Variants in RBM28 observed in about 807,000 individuals in gnomAD.
RBM28 encodes the protein RNA binding motif protein 28.
A neutral mutation model predicts 98.3 loss-of-function variants in RBM28; 78 were observed. The ratio of observed to expected loss-of-function variants is 0.79; its 90% CI spans 0.66 to 0.96. The LOEUF (loss-of-function observed/expected upper bound fraction) is 0.96, where lower values mean the gene tolerates loss of function less well. RBM28 is among the 40% of genes least tolerant of loss of function. The probability of loss-of-function intolerance (pLI) is 0.00; values close to 1 mark genes in which losing one functional copy is unlikely to be tolerated. For missense variants in RBM28, 838 were observed against 913.0 expected, an observed-to-expected ratio of 0.92 and a Z score of 1.06; for synonymous variants, 306 against 330.9, an observed-to-expected ratio of 0.92 and a Z score of 0.82.
chr7:128,323,227 G>A (rs969250709), intron 13 of RBM28, among the ~76,000 whole-genome samples: 1 of 152,088 alleles, frequency 6.6e-6, no homozygotes, highest in African/African-American at 2.4e-5. Flanking sequence ...TGTAGCAATA[G>A]CCTCTGACTG....
chr7:128,335,483 T>C (rs912655614), intron 8 of RBM28, 60 bp downstream of exon 8: 14 of 1,598,370 alleles, frequency 8.8e-6, no homozygotes, highest in Non-Finnish European at 1.1e-5. Context: ...CTGATGCTCA[T>C]TTCCGTAACT....
Position 128,336,046 on chromosome 7 carries a change from T to C in RBM28, c.614-4A>G, listed in dbSNP as rs1032566971. ...GATTCATGGCTCTTTTCCTCACCTA[T>C]GGAGGGAGGTAAAGAAAGGAGGAAT... On this transcript the variant is annotated splice_polypyrimidine_tract_variant and splice_region_variant and intron_variant, in intron 6 of 18. Transcript: ENST00000223073. 5 of 1,605,556 alleles carry C rather than the reference T, an allele frequency of 3.1e-6. No homozygotes were observed. Among genetic ancestry groups the C allele is most frequent in the Non-Finnish European group, 4.3e-6 (5 of 1,175,732 alleles).
intron 9 of RBM28, among the ~76,000 whole-genome samples, chr7:128,332,089 T>C (rs1796492502): frequency 6.6e-6 from 1 of 152,234 alleles, no homozygotes; most frequent in Non-Finnish European, 1.5e-5. Flanking sequence ...CATTTCTTCC[T>C]TCCTGTTAGA....
At chr7:128,312,236 T>C (rs1469104808) in intron 18 of RBM28, among the ~76,000 whole-genome samples, 9 of 152,148 alleles carry the variant, frequency 5.9e-5, no homozygotes, top group African/African-American at 1.4e-4. Flanking sequence ...CTGGTCAACA[T>C]GGTGAAACCC....
chr7:128,310,944 G>A lies in RBM28; in HGVS notation c.2146-13C>T, dbSNP rs773605157. 3.1e-6 allele frequency: 5 copies of A among 1,608,954 alleles called. No homozygotes were observed. The African/African-American group carries it at 6.7e-5, about 22-fold the overall frequency. On this transcript the variant is annotated splice_polypyrimidine_tract_variant and intron_variant, in intron 18 of 18. Transcript: ENST00000223073. ...TTTTCCTAGATACCTACAAATGAAA[G>A]GATTAGAAACATAATATAATCAATT...
chr7:128,312,186 A>G (rs1260087285), intron 18 of RBM28, among the ~76,000 whole-genome samples: 1 of 152,192 alleles, frequency 6.6e-6, no homozygotes, highest in Non-Finnish European at 1.5e-5. Flanking sequence ...TGGGAGGCCG[A>G]GGCAGGCGAA....
At position 128,298,828 on chromosome 7, in the gene RBM28, A is replaced by G. The variant is rs921399; in HGVS notation, c.*11969T>C. ...AGTTTGAGACCAGCCTGGGCAACAT[A>G]GCGAAACTCTGTCTCTATAACAAAT... is the stretch of plus-strand genomic sequence containing the variant. On this transcript the variant is annotated 3_prime_UTR_variant, in exon 19 of 19. Transcript: ENST00000223073. 133,728 of 152,042 alleles carry G rather than the reference A, an allele frequency of 0.88. 61,043 individuals are homozygous for G. Among genetic ancestry groups the G allele is most frequent in the East Asian group, 1 (5,138 of 5,138 alleles). 9.4% of individuals were successfully genotyped at this position (152,042 alleles called of 1,614,324 possible).
chr7:128,322,348 T>C (rs960162524), intron 13 of RBM28, among the ~76,000 whole-genome samples: 1 of 152,190 alleles, frequency 6.6e-6, no homozygotes, highest in Non-Finnish European at 1.5e-5. Flanking sequence ...TAAAATGAAA[T>C]GAAAGATGAC....
At position 128,337,176 on chromosome 7, in the gene RBM28, C is replaced by T. The variant is rs756076073; in HGVS notation, c.568G>A (p.Val190Met). 51 of 1,613,988 alleles carry T rather than the reference C, an allele frequency of 3.2e-5. No homozygotes were observed. Among genetic ancestry groups the T allele is most frequent in the South Asian group, 2.3e-4 (21 of 91,082 alleles). Residue 190 changes from valine (V) to methionine (M), a missense_variant, in exon 6 of 19, where the codon GTG (valine) becomes ATG (methionine). Transcript: ENST00000223073. ...KGRTVAVDWA[V>M]AKDKYKDTQS... ...GTATCTTTATATTTATCCTTTGCCA[C>T]GGCCCAATCCACAGCCACTGTCCGG...
At position 128,339,764 on chromosome 7, in the gene RBM28, TAGCCAAAGCC is replaced by T; in HGVS notation, c.136_145del (p.Gly46MetfsTer27). On this transcript the variant is annotated frameshift_variant, in exon 2 of 19. Transcript: ENST00000223073. LOFTEE classifies it high-confidence loss of function. ...ATCTTCCAGCATTGAAAAAGTGACA[TAGCCAAAGCC>T]TCGACATGCCTTACTCCCTGGAATA... is the stretch of plus-strand genomic sequence containing the variant. 1 of 1,614,030 alleles carries T rather than the reference TAGCCAAAGCC, an allele frequency of 6.2e-7. No individual in the cohort carries two copies. Among genetic ancestry groups the T allele is most frequent in the Non-Finnish European group, 8.5e-7 (1 of 1,179,956 alleles).
chr7:128,310,939 T>C lies in RBM28; in HGVS notation c.2146-8A>G, dbSNP rs1052076266. 1 of 1,610,586 alleles carries C rather than the reference T, an allele frequency of 6.2e-7. No homozygotes were observed. Among genetic ancestry groups the C allele is most frequent in the African/African-American group, 1.3e-5 (1 of 74,840 alleles). On this transcript the variant is annotated splice_polypyrimidine_tract_variant and splice_region_variant and intron_variant, in intron 18 of 18. Transcript: ENST00000223073. ...AGCTTTTTTCCTAGATACCTACAAA[T>C]GAAAGGATTAGAAACATAATATAAT...
intron 1 of RBM28, among the ~76,000 whole-genome samples, chr7:128,340,834 A>G (rs1233692849): frequency 2.0e-5 from 3 of 152,204 alleles, no homozygotes; most frequent in Non-Finnish European, 2.9e-5. Flanking sequence ...TAAAGCAAAT[A>G]TTATCACCCC....
chr7:128,327,441 T>G (rs752325859), intron 10 of RBM28, among the ~76,000 whole-genome samples: 1 of 152,198 alleles, frequency 6.6e-6, no homozygotes, highest in Non-Finnish European at 1.5e-5. Context: ...AAGGCATGCC[T>G]TTCCTTGATT....
At chr7:128,329,474 G>A (rs1421452336) in intron 10 of RBM28, among the ~76,000 whole-genome samples, 1 of 152,218 alleles carries the variant, frequency 6.6e-6, no homozygotes, top group Non-Finnish European at 1.5e-5. Context: ...AAAAGGCTTA[G>A]AATGGAGGTA....
chr7:128,338,787 G>C lies in RBM28; in HGVS notation c.387C>G (p.Asp129Glu). 1 of 1,610,812 alleles carries C rather than the reference G, an allele frequency of 6.2e-7. No individual in the cohort carries two copies. Among genetic ancestry groups the C allele is most frequent in the Non-Finnish European group, 8.5e-7 (1 of 1,177,132 alleles). Residue 129 changes from aspartate (D) to glutamate (E), a missense_variant, in exon 4 of 19, where the codon GAC (aspartate) becomes GAG (glutamate). Asp to Glu is a conservative substitution (Grantham distance 45, BLOSUM62 2). Transcript: ENST00000223073. The part of the protein sequence containing the change: ...RNLSFKCSED[D>E]LKTVFAQFGA... Reference sequence around the variant, plus strand: ...CAAATTGAGCAAATACTGTCTTCAAGTCATCTTCTGAACACTGAAGCCAAA... The same window carrying C: ...CAAATTGAGCAAATACTGTCTTCAACTCATCTTCTGAACACTGAAGCCAAA...
intron 17 of RBM28, among the ~76,000 whole-genome samples, chr7:128,313,993 C>T (rs989882333): frequency 1.3e-4 from 19 of 151,912 alleles, no homozygotes; most frequent in African/African-American, 3.6e-4. Flanking sequence ...GACGGAGTCT[C>T]GCTCTTTCGC....
rs1363406952 is a variant in RBM28 at position 128,337,154 on chromosome 7, T to C, written c.590A>G (p.Asp197Gly). The change falls in exon 6 of 19, where the codon GAT (aspartate) becomes GGT (glycine). Residue 197 changes from aspartate to glycine, a missense_variant. Transcript: ENST00000223073. ...ACCTATAGCAGAAACAGACTGTGTA[T>C]CTTTATATTTATCCTTTGCCACGGC... ...DWAVAKDKYK[D>G]TQSVSAIGEE... The C allele has an allele frequency of 2.5e-6, 4 of 1,614,022 alleles. No homozygotes were observed. The highest frequency in any genetic ancestry group is 3.4e-6 in the Non-Finnish European group (4 of 1,180,008).
Position 128,298,133 on chromosome 7 carries a change from T to A in RBM28, c.*12664A>T, listed in dbSNP as rs948107736. The stretch of plus-strand genomic sequence containing the variant: ...CACATGTACCCTAAAACTTAAATAA[T>A]AAAAAAAAAAGACAATACGCGCACA... On this transcript the variant is annotated 3_prime_UTR_variant, in exon 19 of 19. Coordinates refer to ENST00000223073, the MANE Select transcript of RBM28 (RefSeq NM_018077.3). 2.2e-4 allele frequency: 32 copies of A among 148,618 alleles called. No homozygotes were observed. Among genetic ancestry groups the A allele is most frequent in the African/African-American group, 7.6e-4 (31 of 40,708 alleles). The allele number at this position is 148,618 out of a possible 1,614,324, so 9.2% of individuals were successfully genotyped here.
chr7:128,334,953 T>G (rs948015794), intron 8 of RBM28, among the ~76,000 whole-genome samples: 8 of 152,160 alleles, frequency 5.3e-5, no homozygotes, highest in Admixed American at 3.3e-4. Flanking sequence ...TGCAAGCACA[T>G]AGCGAGAAGG....
Sources: gnomAD v4.1 joint callset for allele counts (sites outside exome capture counted in the v4.1 genomes callset) on GRCh38, gnomAD v4.1.1 for gene constraint, MANE v1.5 for transcripts, NCBI Gene and HGNC (gene_info 2026-07-23, HGNC 2026-07-21) for gene names.